SLC24A2: variants seen among roughly 807,000 people sequenced by gnomAD.
The protein encoded by SLC24A2 is solute carrier family 24 member 2.
Under a neutral mutation model 62.0 loss-of-function variants are expected in SLC24A2, and 36 were observed. That is an observed-to-expected ratio of 0.58 (90% CI 0.44 to 0.77). SLC24A2 has a LOEUF of 0.77. Ranked by LOEUF, SLC24A2 falls within the 30% of genes least tolerant of loss-of-function variation. The pLI, the probability that SLC24A2 is intolerant of heterozygous loss-of-function variation, is 0.00. For synonymous variants in SLC24A2, 358 were observed against 294.0 expected, an observed-to-expected ratio of 1.22 and a Z score of -2.23; for missense variants, 846 against 817.9, an observed-to-expected ratio of 1.03 and a Z score of -0.42.
chr9:19,935,991 A>G, the SLC24A2 span, among the ~76,000 whole-genome samples: 2 of 152,150 alleles, frequency 1.3e-5, no homozygotes. Context: ...TTGAAACTTA[A>G]GGCTTTAATC....
chr9:19,879,519 T>A, the SLC24A2 span, among the ~76,000 whole-genome samples: 1 of 152,222 alleles, frequency 6.6e-6, no homozygotes, highest in African/African-American at 2.4e-5. Context: ...TTATAAAGAC[T>A]TGAATGTTAA....
chr9:19,674,088 G>C (rs545202400), intron 2 of SLC24A2, among the ~76,000 whole-genome samples: 1 of 152,258 alleles, frequency 6.6e-6, no homozygotes, highest in South Asian at 2.1e-4. Flanking sequence ...AGCTCTCTCA[G>C]CATTTGTCTG....
chr9:19,530,717 A>C (rs557812486), intron 8 of SLC24A2, among the ~76,000 whole-genome samples: 26 of 152,316 alleles, frequency 1.7e-4, no homozygotes, highest in Non-Finnish European at 2.4e-4. Flanking sequence ...TTAATCAAGA[A>C]GCCAATTAGT....
chr9:19,826,080 C>T, the SLC24A2 span, among the ~76,000 whole-genome samples: 1 of 150,364 alleles, frequency 6.7e-6, no homozygotes, highest in Non-Finnish European at 1.5e-5. Flanking sequence ...AATGCCTGCT[C>T]TGAATGCAAT....
chr9:20,305,322 G>T, the SLC24A2 span, among the ~76,000 whole-genome samples: 6 of 151,996 alleles, frequency 3.9e-5, no homozygotes, highest in Non-Finnish European at 5.9e-5. Context: ...TGGTCAGGAT[G>T]GTCTCGATCT....
chr9:19,581,407 G>T (rs1032134745), intron 5 of SLC24A2, among the ~76,000 whole-genome samples: 5 of 152,094 alleles, frequency 3.3e-5, no homozygotes, highest in Admixed American at 6.6e-5. Flanking sequence ...AAATGGATTT[G>T]CTCAAAAGAA....
At chr9:19,696,305 T>C (rs1176156570) in intron 2 of SLC24A2, among the ~76,000 whole-genome samples, 1 of 152,168 alleles carries the variant, frequency 6.6e-6, no homozygotes, top group Non-Finnish European at 1.5e-5. Context: ...GTTGGGACCA[T>C]TGCTTTAAGG....
intron 10 of SLC24A2, among the ~76,000 whole-genome samples, chr9:19,517,368 T>C (rs1326530211): frequency 1.3e-5 from 2 of 152,206 alleles, no homozygotes; most frequent in African/African-American, 4.8e-5. Context: ...AGGTTCAGTT[T>C]TGGCCTAGAC....
chr9:19,851,011 A>T, the SLC24A2 span, among the ~76,000 whole-genome samples: 19 of 45,288 alleles, frequency 4.2e-4, no homozygotes, highest in South Asian at 2.3e-3. Flanking sequence ...ACACATACAT[A>T]TATATATATA....
chr9:20,085,937 G>T, the SLC24A2 span, among the ~76,000 whole-genome samples: 1 of 152,024 alleles, frequency 6.6e-6, no homozygotes, highest in Non-Finnish European at 1.5e-5. Context: ...TCGAGCAAAT[G>T]CATGGAAAGT....
the SLC24A2 span, among the ~76,000 whole-genome samples, chr9:20,070,584 T>C: frequency 1.3e-5 from 2 of 152,226 alleles, no homozygotes; most frequent in Non-Finnish European, 2.9e-5. Context: ...TGCTAAAGCA[T>C]CTAGGACTTT....
At chr9:19,991,031 T>A in the SLC24A2 span, among the ~76,000 whole-genome samples, 1 of 81,838 alleles carries the variant, frequency 1.2e-5, no homozygotes, top group South Asian at 3.6e-4. Flanking sequence ...CACACATATA[T>A]ACACACATAC....
chr9:19,554,320 A>T (rs1834979371), intron 7 of SLC24A2, among the ~76,000 whole-genome samples: 4 of 152,342 alleles, frequency 2.6e-5, no homozygotes, highest in African/African-American at 7.2e-5. Flanking sequence ...ATAAAAAGCA[A>T]TACAGTGTAA....
At chr9:20,133,607 A>G in the SLC24A2 span, among the ~76,000 whole-genome samples, 11 of 152,300 alleles carry the variant, frequency 7.2e-5, no homozygotes, top group South Asian at 6.2e-4. Context: ...AAGAAAGATT[A>G]AGATAATTAT....
chr9:19,900,404 A>G, the SLC24A2 span, among the ~76,000 whole-genome samples: 8 of 152,274 alleles, frequency 5.3e-5, no homozygotes, highest in East Asian at 1.5e-3. Flanking sequence ...ATAAATGTTA[A>G]TTTATAATTA....
At chr9:20,156,026 T>C in the SLC24A2 span, among the ~76,000 whole-genome samples, 5 of 151,792 alleles carry the variant, frequency 3.3e-5, no homozygotes, top group African/African-American at 9.7e-5. Context: ...CCTATTACTC[T>C]ACCTGTGTAG....
chr9:20,291,116 C>A, the SLC24A2 span, among the ~76,000 whole-genome samples: 2 of 152,022 alleles, frequency 1.3e-5, no homozygotes, highest in East Asian at 3.9e-4. Flanking sequence ...AAGGAGCATA[C>A]GGAAGTCATG....
At chr9:20,019,283 G>GAA in the SLC24A2 span, among the ~76,000 whole-genome samples, 1 of 149,404 alleles carries the variant, frequency 6.7e-6, no homozygotes, top group African/African-American at 2.5e-5. Context: ...AAGAAAGAAA[G>GAA]AAAGAAAGAA....
At chr9:19,830,752 T>C in the SLC24A2 span, among the ~76,000 whole-genome samples, 8 of 152,270 alleles carry the variant, frequency 5.3e-5, no homozygotes, top group South Asian at 2.1e-4. Flanking sequence ...GATTTCAGCA[T>C]TGATGCATGA....
Sources: gnomAD v4.1 joint callset for allele counts (sites outside exome capture counted in the v4.1 genomes callset) on GRCh38, gnomAD v4.1.1 for gene constraint, MANE v1.5 for transcripts, NCBI Gene and HGNC (gene_info 2026-07-23, HGNC 2026-07-21) for gene names.